Variants in BBS9 observed in about 807,000 individuals in gnomAD.
BBS9 encodes the protein protein PTHB1.
BBS9 carries 89 observed loss-of-function variants against 117.7 expected under a neutral mutation model. That is an observed-to-expected ratio of 0.76 (90% confidence interval 0.64 to 0.90). BBS9 has a LOEUF of 0.90. BBS9 is among the 40% of genes least tolerant of loss of function. The pLI is 0.00. For missense variants in BBS9, 982 were observed against 1,042.2 expected (o/e 0.94, Z 0.80); for synonymous variants, 379 against 370.9 (o/e 1.02, Z -0.25).
intron 21 of BBS9, among the ~76,000 whole-genome samples, chr7:33,551,665 T>C (rs1854435197): frequency 2.0e-5 from 3 of 152,250 alleles, no homozygotes; most frequent in Admixed American, 2.0e-4. Flanking sequence ...ATCCAAGCCC[T>C]GCCCTCAGGG....
intron 21 of BBS9, among the ~76,000 whole-genome samples, chr7:33,592,514 T>C (rs956048244): frequency 1.3e-5 from 2 of 152,114 alleles, no homozygotes; most frequent in Non-Finnish European, 2.9e-5. Flanking sequence ...TAAACAAATA[T>C]ATCGCTAGAT....
At chr7:33,581,913 A>C (rs1323104636) in intron 21 of BBS9, among the ~76,000 whole-genome samples, 1 of 149,680 alleles carries the variant, frequency 6.7e-6, no homozygotes, top group Non-Finnish European at 1.5e-5. Flanking sequence ...TTCTTTTCTT[A>C]TTTTCCTTTT....
chr7:33,418,265 T>A (rs1022723096), intron 19 of BBS9, among the ~76,000 whole-genome samples: 4 of 152,176 alleles, frequency 2.6e-5, no homozygotes, highest in Non-Finnish European at 5.9e-5. Context: ...GATACTTCCG[T>A]TGAGATTTGC....
intron 9 of BBS9, among the ~76,000 whole-genome samples, chr7:33,280,275 CG>C (rs1801559006): frequency 6.6e-6 from 1 of 152,088 alleles, no homozygotes; most frequent in African/African-American, 2.4e-5. Flanking sequence ...TTCTGTCACC[CG>C]GGTAGTCAGC....
At chr7:33,207,227 C>T (rs1421363386) in intron 5 of BBS9, among the ~76,000 whole-genome samples, 1 of 152,102 alleles carries the variant, frequency 6.6e-6, no homozygotes, top group Non-Finnish European at 1.5e-5. Context: ...TCAACATTCC[C>T]CCTTGAATTG....
At chr7:33,558,464 A>G (rs779886569) in intron 21 of BBS9, among the ~76,000 whole-genome samples, 4 of 152,178 alleles carry the variant, frequency 2.6e-5, no homozygotes, top group Non-Finnish European at 4.4e-5. Context: ...CAGGGCAGGC[A>G]AAGGATTCAA....
chr7:33,470,265 T>C lies in BBS9; in HGVS notation c.2116-35198T>C, dbSNP rs1022356596. Among the ~76,000 whole-genome samples the C allele has an allele frequency of 5.0e-5, 7 of 140,284 alleles. No homozygotes were observed. In the South Asian group the frequency reaches 7.2e-4, roughly 14 times the overall value. 92.0% of individuals were successfully genotyped at this position (140,284 alleles called of 152,430 possible). A position where few individuals can be genotyped will look rare whatever the true frequency, so the allele number is the denominator to read the frequency against. On this transcript the variant is annotated intron_variant, in intron 19 of 22. Coordinates refer to ENST00000242067, the MANE Select transcript of BBS9 (RefSeq NM_198428.3). ...ATTTTCATATTAGTTTCCTAGATTT[T>C]TGTAAACATTGAACACCAGCATTCT...
chr7:33,131,046 A>G (rs1548880), intron 1 of BBS9, among the ~76,000 whole-genome samples: 72,753 of 152,034 alleles, frequency 0.48, 17,695 homozygotes, highest in East Asian at 0.67. Context: ...AATACATGAA[A>G]TTATTATAAA....
At chr7:33,353,491 G>T (rs962469262) in intron 15 of BBS9, among the ~76,000 whole-genome samples, 10 of 151,984 alleles carry the variant, frequency 6.6e-5, no homozygotes, top group Admixed American at 1.3e-4. Flanking sequence ...TGTTCCTTAG[G>T]TTCTCCTTTT....
At chr7:33,609,249 A>G (rs1034295289), downstream of BBS9, among the ~76,000 whole-genome samples, 2 of 152,094 alleles carry the variant, frequency 1.3e-5, no homozygotes, top group Non-Finnish European at 2.9e-5. Context: ...CCAGTTTATC[A>G]TCAAAATCCT....
intron 4 of BBS9, among the ~76,000 whole-genome samples, chr7:33,158,874 T>G (rs537123718): frequency 5.8e-4 from 82 of 141,310 alleles, no homozygotes; most frequent in African/African-American, 1.9e-3. Flanking sequence ...TGAGAGAGAC[T>G]CCAGCACAGC....
chr7:33,179,151 T>C (rs1009355), intron 5 of BBS9, among the ~76,000 whole-genome samples: 81,123 of 152,042 alleles, frequency 0.53, 21,928 homozygotes, highest in East Asian at 0.67. Flanking sequence ...TTTTCCCTAC[T>C]GAATCTCCAA....
chr7:33,351,258 T>G lies in BBS9; in HGVS notation c.1472T>G (p.Leu491Arg), dbSNP rs1431041076. The G allele has an allele frequency of 3.7e-6, 6 of 1,613,112 alleles. No individual in the cohort carries two copies. The highest frequency in any genetic ancestry group is 4.2e-6 in the Non-Finnish European group (5 of 1,179,176). Residue 491 changes from leucine (L) to arginine (R), a missense_variant, in exon 14 of 23, where the codon CTG (leucine) becomes CGG (arginine). Leu to Arg is a moderately radical substitution (Grantham distance 102, BLOSUM62 -2). Coordinates refer to ENST00000242067, the MANE Select transcript of BBS9 (RefSeq NM_198428.3). Reference sequence around the variant, plus strand: ...AGAACAGTAAGCTTTTCTGTTTATCTGAAAAGAAGTTATACACCATCAGAA... The same window carrying G: ...AGAACAGTAAGCTTTTCTGTTTATCGGAAAAGAAGTTATACACCATCAGAA... The part of the protein sequence containing the change: ...LTRTVSFSVY[L>R]KRSYTPSELE...
intron 19 of BBS9, among the ~76,000 whole-genome samples, chr7:33,454,772 G>A (rs1278258860): frequency 1.3e-5 from 2 of 152,190 alleles, no homozygotes; most frequent in Non-Finnish European, 2.9e-5. Flanking sequence ...TAGACTTGGG[G>A]CAGTTTGGGC....
intron 19 of BBS9, among the ~76,000 whole-genome samples, chr7:33,476,754 G>A (rs574364431): frequency 6.6e-6 from 1 of 152,178 alleles, no homozygotes; most frequent in Non-Finnish European, 1.5e-5. Context: ...TCATGCTGAT[G>A]TGAAACTGTC....
At chr7:33,614,748 C>A (rs1865048394) in intron 21 of BBS9, among the ~76,000 whole-genome samples, 1 of 152,094 alleles carries the variant, frequency 6.6e-6, no homozygotes, top group Non-Finnish European at 1.5e-5. Flanking sequence ...TCCACACTTT[C>A]ATGAGTTTTC....
chr7:33,545,292 C>G (rs1474979584), intron 21 of BBS9, among the ~76,000 whole-genome samples: 1 of 152,126 alleles, frequency 6.6e-6, no homozygotes, highest in East Asian at 1.9e-4. Context: ...GAGTTTTACC[C>G]CCTGTTCCTC....
At chr7:33,263,452 T>C (rs755752270) in intron 6 of BBS9, among the ~76,000 whole-genome samples, 12 of 152,244 alleles carry the variant, frequency 7.9e-5, no homozygotes, top group Non-Finnish European at 1.3e-4. Context: ...TCTAAAAATA[T>C]GCCATTAATT....
At chr7:33,633,797 A>G (rs779092285) in intron 21 of BBS9, among the ~76,000 whole-genome samples, 4 of 152,138 alleles carry the variant, frequency 2.6e-5, no homozygotes, top group Non-Finnish European at 5.9e-5. Flanking sequence ...AGGTCAATAA[A>G]AGGGAGACTT....
Sources: allele counts gnomAD v4.1 joint callset (sites outside exome capture counted in the v4.1 genomes callset), GRCh38; gene constraint gnomAD v4.1.1; transcripts MANE v1.5; gene names NCBI Gene and HGNC (gene_info 2026-07-23, HGNC 2026-07-21).